PGK1: variants seen among roughly 807,000 people sequenced by gnomAD.
PGK1 encodes phosphoglycerate kinase 1, also known as PRP 2.
PGK1 carries 3 observed loss-of-function variants against 26.9 expected under a neutral mutation model. The ratio of observed to expected loss-of-function variants is 0.11; its 90% confidence interval spans 0.05 to 0.29. The LOEUF (loss-of-function observed/expected upper bound fraction) is 0.29. Ranked by LOEUF, PGK1 falls within the 10% of genes least tolerant of loss-of-function variation. The probability of loss-of-function intolerance (pLI) is 1.00; values close to 1 mark genes in which losing one functional copy is unlikely to be tolerated. For synonymous variants in PGK1, 125 were observed against 115.3 expected (o/e 1.08, Z -0.54); for missense variants, 270 against 314.7 (o/e 0.86, Z 1.07).
At chrX:78,115,472 A>G (rs1431100773) in intron 4 of PGK1, among the ~76,000 whole-genome samples, 4 of 111,000 alleles carry the variant, frequency 3.6e-5, no homozygotes, top group Non-Finnish European at 7.5e-5. Flanking sequence ...CCTGGCCAAC[A>G]TGGTGAAACC....
chrX:78,113,028 G>T (rs781860891), intron 2 of PGK1, among the ~76,000 whole-genome samples: 1 of 112,283 alleles, frequency 8.9e-6, no homozygotes, highest in Admixed American at 9.4e-5. Flanking sequence ...TGCTGGGTGT[G>T]GTGGCTCACG....
In PGK1 at chrX:78,113,463, C is replaced by T. The variant is rs2078310965; in HGVS notation, c.117-281C>T. 1.1e-4 allele frequency among the ~76,000 whole-genome samples: 12 copies of T among 111,853 alleles called. No individual in the cohort carries two copies. In the Admixed American group the frequency reaches 1.1e-3, roughly 11 times the overall value. ...CAAGTTCCCAGATACCAGCCAGGAT[C>T]TAATCTTGCAGACAGGTCCTTCTGT... On this transcript the variant is annotated intron_variant, in intron 2 of 10. Coordinates refer to ENST00000373316, the MANE Select transcript of PGK1 (RefSeq NM_000291.4).
intron 4 of PGK1, among the ~76,000 whole-genome samples, chrX:78,116,788 G>A (rs2078328664): frequency 8.9e-6 from 1 of 112,171 alleles, no homozygotes; most frequent in Admixed American, 9.5e-5. Flanking sequence ...TTTTGTCAAT[G>A]TGAAGTGTTT....
At chrX:78,118,601 T>TAAATAAATAAATAAATAAACAAACAAAC (rs1272522622) in intron 6 of PGK1, among the ~76,000 whole-genome samples, 3 of 109,007 alleles carry the variant, frequency 2.8e-5, no homozygotes, top group African/African-American at 1.0e-4. Flanking sequence ...AATAAATAAA[T>TAAATAAATAAATAAATAAACAAACAAAC]AAACAAACAA....
Position 78,125,816 on chromosome X carries a change from C to G in PGK1, c.1240C>G (p.Leu414Val), listed in dbSNP as rs782697926. The G allele has an allele frequency of 1.7e-6, 2 of 1,201,266 alleles. No homozygotes were observed. The highest frequency in any genetic ancestry group is 2.3e-6 in the Non-Finnish European group (2 of 887,164). The change falls in exon 11 of 11, where the codon CTC becomes GTC. Residue 414 changes from leucine to valine, a missense_variant. Transcript: ENST00000373316. ...TAAAGTCCTTCCTGGGGTGGATGCT[C>G]TCAGCAATATTTAGTACTTTCCTGC... Reference protein sequence around the residue: ...EGKVLPGVDALSNI With the variant: ...EGKVLPGVDAVSNI
chrX:78,113,471 G>A lies in PGK1; in HGVS notation c.117-273G>A, dbSNP rs2078310988. 2.7e-5 allele frequency among the ~76,000 whole-genome samples: 3 copies of A among 111,713 alleles called. No individual in the cohort carries two copies. In the South Asian group the frequency reaches 1.1e-3, roughly 42 times the overall value. ...CAGATACCAGCCAGGATCTAATCTT[G>A]CAGACAGGTCCTTCTGTAGATAGTA... is the stretch of plus-strand genomic sequence containing the variant. On this transcript the variant is annotated intron_variant, in intron 2 of 10. Transcript: ENST00000373316.
chrX:78,104,409 A>G lies in PGK1; in HGVS notation c.65+4A>G. The G allele has an allele frequency of 2.5e-6, 3 of 1,185,139 alleles. No individual in the cohort carries two copies. Among genetic ancestry groups the G allele is most frequent in the Non-Finnish European group, 3.4e-6 (3 of 871,145 alleles). On this transcript the variant is annotated splice_donor_region_variant and intron_variant, in intron 1 of 10. Transcript: ENST00000373316. ...AAGGGAAGCGGGTCGTTATGAGGTAATTCTGCACGTTTGCCCGCGTGCTCT... is the reference window on the plus strand; with the variant it reads ...AAGGGAAGCGGGTCGTTATGAGGTAGTTCTGCACGTTTGCCCGCGTGCTCT...
At chrX:78,117,212 C>T in intron 4 of PGK1, 100 bp from the exon 5 acceptor site, 5 of 600,922 alleles carry the variant, frequency 8.3e-6, no homozygotes, top group Non-Finnish European at 1.4e-5. Context: ...CCCACCTACT[C>T]AGGGTCTTTA....
intron 1 of PGK1, among the ~76,000 whole-genome samples, chrX:78,106,088 C>G (rs1174889275): frequency 8.9e-6 from 1 of 111,789 alleles, no homozygotes; most frequent in African/African-American, 3.3e-5. Context: ...GGGAAACTGG[C>G]TTGAGGAAGC....
At position 78,104,315 on chromosome X, in the gene PGK1, C is replaced by T. The variant is rs781858405; in HGVS notation, c.-26C>T. ...GCTCCCTCGTTGACCGAATCACCGACCTCTCTCCCCAGCTGTATTTCCAAA... is the reference window on the plus strand; with the variant it reads ...GCTCCCTCGTTGACCGAATCACCGATCTCTCTCCCCAGCTGTATTTCCAAA... On this transcript the variant is annotated 5_prime_UTR_variant, in exon 1 of 11. Transcript: ENST00000373316. The T allele has an allele frequency of 7.6e-5, 87 of 1,138,770 alleles. No individual in the cohort carries two copies. The highest frequency in any genetic ancestry group is 1.0e-4 in the Non-Finnish European group (84 of 830,630). 93.8% of individuals were successfully genotyped at this position (1,138,770 alleles called of 1,213,427 possible). A position where few individuals can be genotyped will look rare whatever the true frequency, so the allele number is the denominator to read the frequency against.
chrX:78,125,157 G>C, intron 9 of PGK1, 106 bp downstream of exon 9: 1 of 802,773 alleles, frequency 1.2e-6, no homozygotes, highest in Non-Finnish European at 1.9e-6. Flanking sequence ...CTGGGTAAAT[G>C]TTAAGAGGTA....
Position 78,109,864 on chromosome X carries a change from T to A in PGK1, c.66-3T>A. On this transcript the variant is annotated splice_region_variant and splice_polypyrimidine_tract_variant and intron_variant, in intron 1 of 10. Coordinates refer to ENST00000373316, the MANE Select transcript of PGK1 (RefSeq NM_000291.4). ...ATCATGGTCTTGCATCTTTCTTTTT[T>A]AGAGTCGACTTCAATGTTCCTATGA... 1 of 1,182,464 alleles carries A rather than the reference T, an allele frequency of 8.5e-7. No individual in the cohort carries two copies. Among genetic ancestry groups the A allele is most frequent in the Non-Finnish European group, 1.2e-6 (1 of 868,748 alleles).
At position 78,126,367 on chromosome X, in the gene PGK1, G is replaced by A. The variant is rs2078383855; in HGVS notation, c.*537G>A. 1 of 115,627 alleles carries A rather than the reference G, an allele frequency of 8.6e-6. No individual in the cohort carries two copies. Among genetic ancestry groups the A allele is most frequent in the Non-Finnish European group, 1.8e-5 (1 of 55,306 alleles). The allele number at this position is 115,627 out of a possible 1,213,427, so 9.5% of individuals were successfully genotyped here. On this transcript the variant is annotated 3_prime_UTR_variant, in exon 11 of 11. Coordinates refer to ENST00000373316, the MANE Select transcript of PGK1 (RefSeq NM_000291.4). ...GTCTATATTGCTGAATGCAAGAAGTGGGGCAGCAGCAGTGGAGAGATGGGA... is the reference window on the plus strand; with the variant it reads ...GTCTATATTGCTGAATGCAAGAAGTAGGGCAGCAGCAGTGGAGAGATGGGA...
intron 2 of PGK1, among the ~76,000 whole-genome samples, chrX:78,112,352 A>G (rs1418918987): frequency 5.3e-5 from 6 of 112,822 alleles, no homozygotes; most frequent in East Asian, 2.8e-4. Flanking sequence ...GAAGCATTCA[A>G]TAAATATTTG....
chrX:78,114,181 A>T (rs781880646), intron 4 of PGK1, 21 bp downstream of exon 4: 1 of 1,196,790 alleles, frequency 8.4e-7, no homozygotes, highest in Non-Finnish European at 1.1e-6. Context: ...TGATTTTGAC[A>T]TTATTGGGGG....
At chrX:78,124,781 T>G in intron 8 of PGK1, 93 bp from the exon 9 acceptor site, 2 of 728,875 alleles carry the variant, frequency 2.7e-6, no homozygotes, top group Non-Finnish European at 4.3e-6. Context: ...AGAAGAAACT[T>G]TGGTGTGCAG....
At chrX:78,113,957 T>A (rs1463218869) in intron 3 of PGK1, 58 bp downstream of exon 3, 18 of 1,200,649 alleles carry the variant, frequency 1.5e-5, no homozygotes, top group Non-Finnish European at 1.9e-5. Flanking sequence ...GTCAAGCACG[T>A]TGTTACTGGT....
chrX:78,129,274 T>C lies in PGK1; in HGVS notation c.*3444T>C, dbSNP rs2052697435. On this transcript the variant is annotated 3_prime_UTR_variant, in exon 11 of 11. Coordinates refer to ENST00000373316, the MANE Select transcript of PGK1 (RefSeq NM_000291.4). ...CTATCTATCTATCTGTATATAGATA[T>C]ATTAAAATGTAAATGGTGGCATACC... 2 of 111,340 alleles carry C rather than the reference T, an allele frequency of 1.8e-5. No individual in the cohort carries two copies. The highest frequency in any genetic ancestry group is 3.7e-4 in the South Asian group (1 of 2,680). 9.2% of individuals were successfully genotyped at this position (111,340 alleles called of 1,213,427 possible). A position where few individuals can be genotyped will look rare whatever the true frequency, so the allele number is the denominator to read the frequency against.
At chrX:78,118,571 C>T (rs1396975718) in intron 6 of PGK1, among the ~76,000 whole-genome samples, 1 of 109,283 alleles carries the variant, frequency 9.2e-6, no homozygotes, top group African/African-American at 3.4e-5. Context: ...AGAGCAAGAC[C>T]GTTTCTAAAT....
Sources: allele counts gnomAD v4.1 joint callset (sites outside exome capture counted in the v4.1 genomes callset), GRCh38; gene constraint gnomAD v4.1.1; transcripts MANE v1.5; gene names NCBI Gene and HGNC (gene_info 2026-07-23, HGNC 2026-07-21).